Variants in AKAP13 observed in about 807,000 individuals in gnomAD.
The protein encoded by AKAP13 is A-kinase anchor protein 13.
Under a neutral mutation model 264.5 loss-of-function variants are expected in AKAP13, and 80 were observed. The observed-to-expected ratio is 0.30, with a 90% CI of 0.25 to 0.36. The LOEUF (loss-of-function observed/expected upper bound fraction) is 0.36. Among genes scored for constraint, AKAP13 ranks in the 10% least tolerant of loss-of-function variants. The probability of loss-of-function intolerance (pLI) is 1.00; values close to 1 mark genes in which losing one functional copy is unlikely to be tolerated. For synonymous variants in AKAP13, 1,380 were observed against 1,250.2 expected (o/e 1.10, Z -2.19); for missense variants, 3,712 against 3,435.2 (o/e 1.08, Z -2.01).
intron 1 of AKAP13, among the ~76,000 whole-genome samples, chr15:85,472,323 A>G (rs1226218988): frequency 2.6e-5 from 4 of 151,566 alleles, no homozygotes; most frequent in South Asian, 4.2e-4. Flanking sequence ...CCTGGTCAAT[A>G]TAGTAAGACC....
chr15:85,709,641 A>G (rs1370977623), intron 18 of AKAP13, among the ~76,000 whole-genome samples: 1 of 148,586 alleles, frequency 6.7e-6, no homozygotes, highest in African/African-American at 2.4e-5. Context: ...ATATAAGAGA[A>G]TATAACCTAA....
intron 10 of AKAP13, among the ~76,000 whole-genome samples, chr15:85,647,072 G>A (rs1284545888): frequency 6.6e-6 from 1 of 152,190 alleles, no homozygotes; most frequent in Non-Finnish European, 1.5e-5. Context: ...GGGTGATTAG[G>A]TTGTCCAAGA....
Position 85,655,510 on chromosome 15 carries a change from G to T in AKAP13, c.4468G>T (p.Asp1490Tyr). 6.2e-7 allele frequency: 1 copy of T among 1,614,230 alleles called. No homozygotes were observed. The highest frequency in any genetic ancestry group is 8.5e-7 in the Non-Finnish European group (1 of 1,180,042). Residue 1490 changes from aspartate to tyrosine, a missense_variant, in exon 11 of 37, where the codon GAT becomes TAT. Physicochemically the swap from Asp to Tyr is radical, Grantham distance 160. Coordinates refer to ENST00000394518, the MANE Select transcript of AKAP13 (RefSeq NM_007200.5). ...SLDRHSSHGS[D>Y]VSLSQILKPN... is the part of the protein sequence containing the mutation. ...GGACCGACATTCTTCTCATGGCAGT[G>T]ATGTGTCTCTCTCCCAGATTTTAAA...
chr15:85,483,055 C>T (rs1398389606), intron 1 of AKAP13, among the ~76,000 whole-genome samples: 4 of 152,184 alleles, frequency 2.6e-5, no homozygotes, highest in Non-Finnish European at 5.9e-5. Context: ...TTTATAATTC[C>T]GAACAGTTCA....
chr15:85,676,834 G>C (rs781756587), intron 14 of AKAP13: 66 of 719,188 alleles, frequency 9.2e-5, no homozygotes, highest in Non-Finnish European at 1.0e-4. Flanking sequence ...AGATGAGAAT[G>C]TAAACAAATT....
intron 30 of AKAP13, among the ~76,000 whole-genome samples, chr15:85,732,898 G>A (rs921263825): frequency 2.6e-5 from 4 of 151,848 alleles, no homozygotes; most frequent in Admixed American, 6.6e-5. Context: ...TATTCTAATA[G>A]TAATGCTGCT....
chr15:85,415,044 A>C lies in AKAP13; in HGVS notation c.-12+34246A>C, dbSNP rs2072171861. Among the ~76,000 whole-genome samples the C allele has an allele frequency of 2.0e-5, 3 of 152,304 alleles. 1 individual carries two copies. The South Asian group carries it at 6.2e-4, about 32-fold the overall frequency. ...TCTATGTTGGAGTGGTTTGTTTCTT[A>C]AATTTTGCTCTCAGGTTTGGGGTGG... On this transcript the variant is annotated intron_variant, in intron 1 of 36. Transcript: ENST00000394518.
intron 17 of AKAP13, among the ~76,000 whole-genome samples, chr15:85,707,341 C>T (rs1157226546): frequency 1.3e-5 from 2 of 152,126 alleles, no homozygotes; most frequent in Non-Finnish European, 2.9e-5. Flanking sequence ...CTGTCCTTGC[C>T]AAATTGTGGT....
chr15:85,676,535 A>G lies in AKAP13; in HGVS notation c.5102-5623A>G, dbSNP rs933929401. Among the ~76,000 whole-genome samples the G allele has an allele frequency of 1.2e-4, 19 of 152,216 alleles. No homozygotes were observed. In the East Asian group the frequency reaches 1.3e-3, roughly 11 times the overall value. On this transcript the variant is annotated intron_variant, in intron 14 of 36. Transcript: ENST00000394518. ...GGTGAGCAGGGAGAGGAATGAGCCT[A>G]GATCTAAACAGAGATCCGGCTTCCA...
At chr15:85,737,552 T>C (rs568460522) in intron 33 of AKAP13, among the ~76,000 whole-genome samples, 2 of 152,280 alleles carry the variant, frequency 1.3e-5, no homozygotes, top group South Asian at 2.1e-4. Flanking sequence ...CTTTCCTTTT[T>C]CCCCCTAAAA....
rs1199501718 is a variant in AKAP13 at position 85,626,975 on chromosome 15, G to A, written c.4162-12399G>A. On this transcript the variant is annotated intron_variant, in intron 8 of 36. Transcript: ENST00000394518. ...TGGATATGAAGTGTTATTTCATTGT[G>A]GTTTTGATTTGCATTTCCCTAATGC... Among the ~76,000 whole-genome samples the A allele has an allele frequency of 2.0e-5, 3 of 152,092 alleles. No homozygotes were observed. The East Asian group carries it at 5.8e-4, about 29-fold the overall frequency.
chr15:85,410,607 G>C (rs762509285), intron 1 of AKAP13, among the ~76,000 whole-genome samples: 1 of 151,508 alleles, frequency 6.6e-6, no homozygotes, highest in Admixed American at 6.6e-5. Context: ...ACTGGGGTAA[G>C]ATGCTTGATA....
chr15:85,528,705 C>T (rs559604028), intron 3 of AKAP13, among the ~76,000 whole-genome samples: 1 of 152,226 alleles, frequency 6.6e-6, no homozygotes, highest in African/African-American at 2.4e-5. Context: ...ACAGTTTACT[C>T]AGCTGGGAGC....
At chr15:85,418,156 G>A (rs532917157) in intron 1 of AKAP13, among the ~76,000 whole-genome samples, 1 of 151,364 alleles carries the variant, frequency 6.6e-6, no homozygotes, top group Non-Finnish European at 1.5e-5. Context: ...GGTCACTGCA[G>A]TCTCAATCTC....
At chr15:85,665,496 C>G (rs1465086124) in intron 13 of AKAP13, among the ~76,000 whole-genome samples, 2 of 152,200 alleles carry the variant, frequency 1.3e-5, no homozygotes, top group African/African-American at 4.8e-5. Flanking sequence ...TTGATTCTCT[C>G]TCCTTCCCAT....
At chr15:85,610,263 A>G (rs1166521494) in intron 8 of AKAP13, among the ~76,000 whole-genome samples, 1 of 152,152 alleles carries the variant, frequency 6.6e-6, no homozygotes, top group Non-Finnish European at 1.5e-5. Context: ...ATTTCCATAG[A>G]TGATCATATG....
intron 4 of AKAP13, among the ~76,000 whole-genome samples, chr15:85,538,521 G>T (rs1276323794): frequency 7.0e-6 from 1 of 142,288 alleles, no homozygotes; most frequent in Non-Finnish European, 1.5e-5. Context: ...ACGGAGTCTC[G>T]CTCTGTCGCC....
rs2083056259 is a variant in AKAP13 at position 85,655,501 on chromosome 15, C to G, written c.4459C>G (p.His1487Asp). 1 of 1,614,128 alleles carries G rather than the reference C, an allele frequency of 6.2e-7. No homozygotes were observed. Among genetic ancestry groups the G allele is most frequent in the South Asian group, 1.1e-5 (1 of 91,090 alleles). Residue 1487 changes from histidine (H) to aspartate (D), a missense_variant, in exon 11 of 37, where the codon CAT (histidine) becomes GAT (aspartate). Transcript: ENST00000394518. ...DTASLDRHSS[H>D]GSDVSLSQIL... ...GGCTTCACTGGACCGACATTCTTCT[C>G]ATGGCAGTGATGTGTCTCTCTCCCA...
At chr15:85,672,692 G>A in intron 14 of AKAP13, among the ~76,000 whole-genome samples, 1 of 152,206 alleles carries the variant, frequency 6.6e-6, no homozygotes. Context: ...GCTTGTTACT[G>A]AAACTCTCTG....
Sources: allele counts gnomAD v4.1 joint callset (sites outside exome capture counted in the v4.1 genomes callset), GRCh38; gene constraint gnomAD v4.1.1; transcripts MANE v1.5; gene names NCBI Gene and HGNC (gene_info 2026-07-23, HGNC 2026-07-21).